ARID1B: variants seen among roughly 807,000 people sequenced by gnomAD.
ARID1B encodes AT-rich interaction domain 1B, also known as AT-rich interactive domain-containing protein 1B.
A neutral mutation model predicts 212.3 loss-of-function variants in ARID1B; 30 were observed. The observed-to-expected ratio is 0.14, with a 90% CI of 0.11 to 0.19. The LOEUF is 0.19. Among genes scored for constraint, ARID1B ranks in the 10% least tolerant of loss-of-function variants. The pLI, the probability that ARID1B is intolerant of heterozygous loss-of-function variation, is 1.00. For synonymous variants in ARID1B, 1,402 were observed against 1,301.7 expected, an observed-to-expected ratio of 1.08 and a Z score of -1.66; for missense variants, 2,891 against 3,204.0, an observed-to-expected ratio of 0.90 and a Z score of 2.36.
intron 2 of ARID1B, among the ~76,000 whole-genome samples, chr6:156,841,453 A>C (rs750779855): frequency 1.3e-5 from 2 of 152,154 alleles, no homozygotes; most frequent in Non-Finnish European, 2.9e-5. Flanking sequence ...TGATGATGAC[A>C]GGAATCTAGT....
chr6:156,789,158 A>G (rs573257352), intron 1 of ARID1B, among the ~76,000 whole-genome samples: 1 of 152,330 alleles, frequency 6.6e-6, no homozygotes, highest in Non-Finnish European at 1.5e-5. Context: ...AGTATTTGCT[A>G]TTCTATGTGG....
chr6:156,973,299 C>T (rs753851860), intron 4 of ARID1B, among the ~76,000 whole-genome samples: 7 of 152,184 alleles, frequency 4.6e-5, no homozygotes, highest in Admixed American at 2.6e-4. Context: ...TTGGTAACAG[C>T]GAGTTCTTTA....
In ARID1B at chr6:157,200,401, C is replaced by T. The variant is rs1794011459; in HGVS notation, c.4480-304C>T. ...AGCTCCCAGCCCGGGAGCCGTCTGC[C>T]TGTGTGGGAGTTGAACGCTGGCTGT... On this transcript the variant is annotated intron_variant, in intron 17 of 19. Transcript: ENST00000636930. The surrounding 1 kb of genome is among the most constrained non-coding windows in gnomAD (Gnocchi z 4.3). Among the ~76,000 whole-genome samples, 2 of 152,004 alleles carry T rather than the reference C, an allele frequency of 1.3e-5. No individual in the cohort carries two copies. Among genetic ancestry groups the T allele is most frequent in the South Asian group, 2.1e-4 (1 of 4,814 alleles).
Position 156,963,458 on chromosome 6 carries a change from A to G in ARID1B, c.2247+27882A>G, listed in dbSNP as rs145283535. Among the ~76,000 whole-genome samples the G allele has an allele frequency of 5.0e-3, 762 of 152,314 alleles. 4 individuals are homozygous for G. The highest frequency in any genetic ancestry group is 0.017 in the African/African-American group (726 of 41,558). On this transcript the variant is annotated intron_variant, in intron 4 of 19. Transcript: ENST00000636930. ...CTTGGAAATTGTAATTTCTTGTCAA[A>G]TACAGTTAGTTGCGTAGGTCATTTT...
intron 4 of ARID1B, among the ~76,000 whole-genome samples, chr6:156,992,638 G>A (rs1481473775): frequency 6.6e-6 from 1 of 152,216 alleles, no homozygotes; most frequent in Non-Finnish European, 1.5e-5. Context: ...TCCCATCTGT[G>A]GGGCCTGGGC....
chr6:156,818,990 C>G (rs1473002174), intron 1 of ARID1B, among the ~76,000 whole-genome samples: 5 of 151,534 alleles, frequency 3.3e-5, no homozygotes, highest in Non-Finnish European at 7.4e-5. Context: ...TGTATTATCT[C>G]CAGTTCTGTA....
At chr6:157,062,155 C>T (rs1783380094) in intron 4 of ARID1B, among the ~76,000 whole-genome samples, 1 of 151,940 alleles carries the variant, frequency 6.6e-6, no homozygotes, top group African/African-American at 2.4e-5. Flanking sequence ...CTTTTGCTTT[C>T]TCTTGCTATT....
intron 5 of ARID1B, among the ~76,000 whole-genome samples, chr6:157,109,891 G>A (rs1262542490): frequency 6.6e-6 from 1 of 152,308 alleles, no homozygotes; most frequent in East Asian, 1.9e-4. Flanking sequence ...TGCTGTATTA[G>A]CAATAAAGAT....
intron 9 of ARID1B, chr6:157,173,798 C>CT (rs1232528914): frequency 1.6e-4 from 77 of 476,982 alleles, no homozygotes; most frequent in South Asian, 4.0e-4. Flanking sequence ...AATGACTGCC[C>CT]TTTTTTTTAG....
At chr6:157,038,712 G>A (rs118030337) in intron 4 of ARID1B, among the ~76,000 whole-genome samples, 2,708 of 152,150 alleles carry the variant, frequency 0.018, 36 homozygotes, top group Non-Finnish European at 0.027. Flanking sequence ...GCATACATGT[G>A]GAATATTCAT....
At chr6:157,156,647 G>A (rs1024994820) in intron 8 of ARID1B, among the ~76,000 whole-genome samples, 3 of 152,174 alleles carry the variant, frequency 2.0e-5, no homozygotes, top group South Asian at 2.1e-4. Flanking sequence ...ACTCGTGAGC[G>A]TCACCCAGAG....
chr6:156,884,754 T>A (rs1787373915), intron 2 of ARID1B, among the ~76,000 whole-genome samples: 1 of 152,216 alleles, frequency 6.6e-6, no homozygotes, highest in African/African-American at 2.4e-5. Flanking sequence ...CAGATACTAG[T>A]GTTGCTAATT....
chr6:157,173,898 T>C (rs1353592625), intron 9 of ARID1B, 110 bp from the exon 10 acceptor site: 5 of 872,204 alleles, frequency 5.7e-6, no homozygotes, highest in Non-Finnish European at 8.9e-6. Flanking sequence ...TTTTCTTCCT[T>C]CAAGGGAAAT....
At chr6:157,138,750 T>C (rs1265288752) in intron 7 of ARID1B, among the ~76,000 whole-genome samples, 4 of 152,234 alleles carry the variant, frequency 2.6e-5, no homozygotes, top group African/African-American at 9.6e-5. Context: ...TTGATGCACT[T>C]GATAAGGCCA....
Position 157,190,152 on chromosome 6 carries a change from T to C in ARID1B, c.4173T>C (p.Asp1391=). The change falls in exon 15 of 20, where the codon GAT becomes GAC. Residue 1391 remains aspartate, a synonymous_variant. Coordinates refer to ENST00000636930, the MANE Select transcript of ARID1B (RefSeq NM_001374828.1). The surrounding 1 kb of genome is among the most constrained non-coding windows in gnomAD (Gnocchi z 4.6). ...ACCAGCAGGGCATGAGCATGCCCGA[T>C]GTGATGGGCAGGATGCCCTATGAGC... ...APYQQGMSMP[D]VMGRMPYEPN... 1 of 1,614,132 alleles carries C rather than the reference T, an allele frequency of 6.2e-7. No individual in the cohort carries two copies. The highest frequency in any genetic ancestry group is 8.5e-7 in the Non-Finnish European group (1 of 1,180,034).
At chr6:156,839,337 C>T (rs1783732229) in intron 2 of ARID1B, among the ~76,000 whole-genome samples, 1 of 152,160 alleles carries the variant, frequency 6.6e-6, no homozygotes, top group Non-Finnish European at 1.5e-5. Flanking sequence ...CGTGCTGGCT[C>T]AGATCTCTCT....
intron 4 of ARID1B, among the ~76,000 whole-genome samples, chr6:157,049,666 G>C (rs2128552300): frequency 6.6e-6 from 1 of 152,192 alleles, no homozygotes; most frequent in Middle Eastern, 3.4e-3. Context: ...GAACAGAGCA[G>C]CAAATGAATA....
intron 4 of ARID1B, chr6:156,937,525 C>T (rs1792344541): frequency 6.6e-6 from 1 of 152,202 alleles, no homozygotes; most frequent in Admixed American, 6.5e-5. Context: ...TCAGAAACTT[C>T]AGCATCACTC....
intron 8 of ARID1B, chr6:157,151,777 A>T (rs1790216351): frequency 6.6e-6 from 1 of 152,252 alleles, no homozygotes; most frequent in African/African-American, 2.4e-5. Flanking sequence ...AAAATCAAAC[A>T]GGGAACTATC....
Sources: gnomAD v4.1 joint callset for allele counts (sites outside exome capture counted in the v4.1 genomes callset) on GRCh38, gnomAD v4.1.1 for gene constraint, Gnocchi (gnomAD v3.1) non-coding constraint, MANE v1.5 for transcripts, NCBI Gene and HGNC (gene_info 2026-07-23, HGNC 2026-07-21) for gene names.